RAB1A: variants seen among roughly 807,000 people sequenced by gnomAD.
RAB1A encodes the protein RAB1A, member RAS oncogene family.
A neutral mutation model predicts 26.0 loss-of-function variants in RAB1A; 2 were observed. The observed-to-expected ratio is 0.08, with a 90% CI of 0.03 to 0.24. RAB1A has a LOEUF of 0.24. Among genes scored for constraint, RAB1A ranks in the 10% least tolerant of loss-of-function variants. RAB1A has a pLI of 1.00. For missense variants in RAB1A, 100 were observed against 247.0 expected (o/e 0.40, Z 3.99); for synonymous variants, 84 against 84.9 (o/e 0.99, Z 0.06).
chr2:65,093,934 T>C (rs1340390926), intron 3 of RAB1A, among the ~76,000 whole-genome samples: 3 of 151,766 alleles, frequency 2.0e-5, no homozygotes, highest in African/African-American at 7.3e-5. Flanking sequence ...TGTTTAGATT[T>C]TTAAAACACC....
intron 4 of RAB1A, among the ~76,000 whole-genome samples, chr2:65,089,947 C>A (rs1160518248): frequency 1.3e-5 from 2 of 152,212 alleles, no homozygotes; most frequent in Non-Finnish European, 2.9e-5. Context: ...AGGTGATCCG[C>A]CCGCCTCGGC....
chr2:65,127,044 G>A (rs1438266228), intron 1 of RAB1A, among the ~76,000 whole-genome samples: 1 of 152,088 alleles, frequency 6.6e-6, no homozygotes, highest in Non-Finnish European at 1.5e-5. Flanking sequence ...TCAAATTCCT[G>A]TATTATTTTA....
intron 1 of RAB1A, among the ~76,000 whole-genome samples, chr2:65,126,438 C>G (rs1052840791): frequency 1.3e-5 from 2 of 151,582 alleles, no homozygotes; most frequent in Non-Finnish European, 2.9e-5. Flanking sequence ...AAGATTCCGT[C>G]TCAAAAAAAA....
chr2:65,091,590 G>A lies in RAB1A; in HGVS notation c.193-512C>T, dbSNP rs945773033. Among the ~76,000 whole-genome samples, 10 of 152,274 alleles carry A rather than the reference G, an allele frequency of 6.6e-5. No homozygotes were observed. In the East Asian group the frequency reaches 1.7e-3, roughly 26 times the overall value. ...TCATCCAGGCTGAGTACAGTGGCAT[G>A]ATCATGGCTCGCTGCAGCCTCAACC... On this transcript the variant is annotated intron_variant, in intron 3 of 5. Transcript: ENST00000409784.
At chr2:65,119,042 GAAAAAAAA>G (rs1558586711) in intron 1 of RAB1A, among the ~76,000 whole-genome samples, 2 of 150,788 alleles carry the variant, frequency 1.3e-5, no homozygotes, top group Non-Finnish European at 3.0e-5. Context: ...AGAGAAAAAA[GAAAAAAAA>G]TACAAAAACT....
chr2:65,125,770 C>CA lies in RAB1A; in HGVS notation c.23+4122dup, dbSNP rs529815941. Among the ~76,000 whole-genome samples, 15 of 148,024 alleles carry CA rather than the reference C, an allele frequency of 1.0e-4. No individual in the cohort carries two copies. The Middle Eastern group carries it at 0.011, about 104-fold the overall frequency. On this transcript the variant is annotated intron_variant, in intron 1 of 5. Coordinates refer to ENST00000409784, the MANE Select transcript of RAB1A (RefSeq NM_004161.5). ...TCACTGCCTGCTTCAAAACGTAGCT[C>CA]AAAAAAAATCCACATTTTTCTTCAG... is the stretch of plus-strand genomic sequence containing the variant.
rs1164299022 is a variant in RAB1A, at chr2:65,091,013, G to T, written c.258C>A (p.Gly86=). The T allele has an allele frequency of 6.2e-7, 1 of 1,612,934 alleles. No individual in the cohort carries two copies. The highest frequency in any genetic ancestry group is 8.5e-7 in the Non-Finnish European group (1 of 1,179,158). The part of the protein sequence containing the change: ...ITSSYYRGAH[G]IIVVYDVTDQ... Reference sequence around the variant, plus strand: ...CTGTCACATCATACACAACTATGATGCCATGGGCTCCTCTGTAATAACTGG... The same window carrying T: ...CTGTCACATCATACACAACTATGATTCCATGGGCTCCTCTGTAATAACTGG... Residue 86 remains glycine, a synonymous_variant, in exon 4 of 6, where the codon GGC becomes GGA. Coordinates refer to ENST00000409784, the MANE Select transcript of RAB1A (RefSeq NM_004161.5).
intron 1 of RAB1A, among the ~76,000 whole-genome samples, chr2:65,125,745 T>C (rs1406842235): frequency 2.0e-5 from 3 of 151,730 alleles, no homozygotes; most frequent in African/African-American, 7.3e-5. Flanking sequence ...GCTGAAATAA[T>C]CACTGCCTGC....
intron 1 of RAB1A, among the ~76,000 whole-genome samples, chr2:65,128,904 T>A (rs1244534691): frequency 6.6e-6 from 1 of 152,144 alleles, no homozygotes. Flanking sequence ...TGAACACCAG[T>A]TCCCAGGAAA....
intron 1 of RAB1A, among the ~76,000 whole-genome samples, chr2:65,110,438 CAA>C (rs1221473890): frequency 9.1e-6 from 1 of 110,094 alleles, no homozygotes; most frequent in Admixed American, 9.5e-5. Flanking sequence ...GAGACCGTCT[CAA>C]AAAAAAAAAA....
chr2:65,091,953 C>T (rs1007940246), intron 3 of RAB1A, among the ~76,000 whole-genome samples: 3 of 152,220 alleles, frequency 2.0e-5, no homozygotes, highest in African/African-American at 7.2e-5. Context: ...CAAATGCTAA[C>T]ATTATTGCAT....
chr2:65,113,288 G>C (rs1037474428), intron 1 of RAB1A, among the ~76,000 whole-genome samples: 9 of 152,152 alleles, frequency 5.9e-5, no homozygotes, highest in Non-Finnish European at 1.2e-4. Flanking sequence ...ACATAGTCTT[G>C]ATGTCCGCTG....
At chr2:65,103,480 T>C (rs1669484142) in intron 2 of RAB1A, among the ~76,000 whole-genome samples, 1 of 152,114 alleles carries the variant, frequency 6.6e-6, no homozygotes, top group African/African-American at 2.4e-5. Flanking sequence ...AGGTAAAGAA[T>C]GCCATCACCA....
chr2:65,096,152 C>CA (rs563101669), intron 3 of RAB1A, among the ~76,000 whole-genome samples: 7,107 of 133,090 alleles, frequency 0.053, 174 homozygotes, highest in Middle Eastern at 0.086. Context: ...GGCTCCATCT[C>CA]AAAAAAAAAA....
intron 3 of RAB1A, among the ~76,000 whole-genome samples, chr2:65,094,230 A>G (rs1669234083): frequency 6.6e-6 from 1 of 152,144 alleles, no homozygotes; most frequent in Non-Finnish European, 1.5e-5. Flanking sequence ...TCAGCCTCCC[A>G]AAGTACTGGG....
intron 3 of RAB1A, among the ~76,000 whole-genome samples, chr2:65,096,583 G>A (rs1669291739): frequency 6.6e-6 from 1 of 151,892 alleles, no homozygotes; most frequent in African/African-American, 2.4e-5. Flanking sequence ...GCTCTTTATG[G>A]TGCCAAATAA....
intron 1 of RAB1A, among the ~76,000 whole-genome samples, chr2:65,114,680 A>T (rs1270975871): frequency 2.0e-5 from 3 of 151,844 alleles, no homozygotes; most frequent in African/African-American, 7.3e-5. Context: ...CGTCTCTACT[A>T]AAAAAATACA....
intron 1 of RAB1A, among the ~76,000 whole-genome samples, chr2:65,110,526 T>C (rs1233259346): frequency 6.7e-6 from 1 of 150,316 alleles, no homozygotes; most frequent in Non-Finnish European, 1.5e-5. Flanking sequence ...ACAAAATAAA[T>C]ACTCATGAAT....
Position 65,119,584 on chromosome 2 carries a change from C to CA in RAB1A, c.23+10308dup, listed in dbSNP as rs1352070318. On this transcript the variant is annotated intron_variant, in intron 1 of 5. Coordinates refer to ENST00000409784, the MANE Select transcript of RAB1A (RefSeq NM_004161.5). The stretch of plus-strand genomic sequence containing the variant: ...TCAAAAAAAAACAAAAAAACAAAAA[C>CA]AAAAAAAAACAAAAAAACCCTATCA... Among the ~76,000 whole-genome samples, 799 of 145,856 alleles carry CA rather than the reference C, an allele frequency of 5.5e-3. 8 individuals carry two copies. The highest frequency in any genetic ancestry group is 0.018 in the African/African-American group (702 of 39,190).
Sources: gnomAD v4.1 joint callset for allele counts (sites outside exome capture counted in the v4.1 genomes callset) on GRCh38, gnomAD v4.1.1 for gene constraint, MANE v1.5 for transcripts, NCBI Gene and HGNC (gene_info 2026-07-23, HGNC 2026-07-21) for gene names.